The following PTPRT variants were observed in gnomAD, a reference collection of about 807,000 sequenced individuals.
PTPRT encodes receptor-type tyrosine-protein phosphatase T.
A neutral mutation model predicts 176.8 loss-of-function variants in PTPRT; 56 were observed. The ratio of observed to expected loss-of-function variants is 0.32; its 90% CI spans 0.26 to 0.40. The LOEUF (loss-of-function observed/expected upper bound fraction) is 0.40. PTPRT is among the 10% of genes least tolerant of loss of function. The pLI, the probability that PTPRT is intolerant of heterozygous loss-of-function variation, is 1.00. For missense variants in PTPRT, 1,540 were observed against 1,908.2 expected (o/e 0.81, Z 3.60); for synonymous variants, 783 against 739.0 (o/e 1.06, Z -0.96).
In PTPRT at chr20:42,559,385, G is replaced by A. The variant is rs545103097; in HGVS notation, c.1154-86823C>T. On this transcript the variant is annotated intron_variant, in intron 7 of 30. Transcript: ENST00000373187. ...CGTCTTAGCAACATATGTAACTTAT[G>A]CAAAGCAGCTAGTAGAGTCCTGGCA... 3.1e-3 allele frequency among the ~76,000 whole-genome samples: 471 copies of A among 152,278 alleles called. 4 individuals are homozygous for A. Among genetic ancestry groups the A allele is most frequent in the African/African-American group, 0.011 (438 of 41,558 alleles).
chr20:43,083,321 T>TGTATATATATATATATATATATAC (rs1491174501), intron 1 of PTPRT, among the ~76,000 whole-genome samples: 2 of 11,426 alleles, frequency 1.8e-4, no homozygotes, highest in African/African-American at 8.4e-4. Flanking sequence ...ACTTCAAATG[T>TGTATATATATATATATATATATAC]ATATATATAT....
the PTPRT span, among the ~76,000 whole-genome samples, chr20:42,046,706 G>T: frequency 1.3e-5 from 2 of 152,080 alleles, no homozygotes; most frequent in South Asian, 4.1e-4. Context: ...ATTGACTCTT[G>T]ATCAATTTGT....
At chr20:42,216,133 T>C (rs728373) in intron 15 of PTPRT, among the ~76,000 whole-genome samples, 93,308 of 152,046 alleles carry the variant, frequency 0.61, 29,106 homozygotes, top group African/African-American at 0.72. Flanking sequence ...CATGCCCACA[T>C]CTCTTCTCAG....
intron 3 of PTPRT, among the ~76,000 whole-genome samples, chr20:42,790,874 C>T (rs892371314): frequency 6.6e-6 from 1 of 152,200 alleles, no homozygotes; most frequent in African/African-American, 2.4e-5. Context: ...TAGGCTAGTA[C>T]TAGTACCTCC....
chr20:42,870,444 T>C (rs1239992303), intron 2 of PTPRT, among the ~76,000 whole-genome samples: 2 of 152,252 alleles, frequency 1.3e-5, no homozygotes, highest in Admixed American at 6.5e-5. Context: ...TCTTGGCTAC[T>C]GTGAATAATG....
chr20:42,323,418 T>A (rs2057833390), intron 11 of PTPRT, among the ~76,000 whole-genome samples: 1 of 152,114 alleles, frequency 6.6e-6, no homozygotes, highest in Admixed American at 6.5e-5. Context: ...CACCATGGAA[T>A]ACTATGCAGC....
At chr20:42,865,950 GCT>G (rs2145807631) in intron 2 of PTPRT, among the ~76,000 whole-genome samples, 2 of 152,168 alleles carry the variant, frequency 1.3e-5, no homozygotes, top group Admixed American at 1.3e-4. Context: ...TCTCCCCTCT[GCT>G]CTTCCCTTTC....
At chr20:42,395,366 C>T (rs935326971) in intron 9 of PTPRT, among the ~76,000 whole-genome samples, 7 of 152,160 alleles carry the variant, frequency 4.6e-5, no homozygotes, top group Non-Finnish European at 7.4e-5. Context: ...CATCTAAGAC[C>T]AACTCTTCTA....
rs145399627 is a variant in PTPRT at position 42,859,740 on chromosome 20, T to C, written c.214+26067A>G. ...CTGGGACTACAGGCACCTGGCACCATGGCCGGCTAATTTTTTTTTTTTTGT... is the reference window on the plus strand; with the variant it reads ...CTGGGACTACAGGCACCTGGCACCACGGCCGGCTAATTTTTTTTTTTTTGT... On this transcript the variant is annotated intron_variant, in intron 2 of 30. Coordinates refer to ENST00000373187, the MANE Select transcript of PTPRT (RefSeq NM_007050.6). 6.0e-3 allele frequency among the ~76,000 whole-genome samples: 909 copies of C among 151,436 alleles called. 13 individuals carry two copies. The highest frequency in any genetic ancestry group is 0.021 in the African/African-American group (878 of 41,170).
chr20:42,031,937 A>G, the PTPRT span, among the ~76,000 whole-genome samples: 22 of 152,164 alleles, frequency 1.4e-4, no homozygotes, highest in Admixed American at 1.4e-3. Context: ...AAATCTTCGC[A>G]ACACTGTGAG....
chr20:42,795,365 G>A (rs2077438857), intron 2 of PTPRT, among the ~76,000 whole-genome samples: 1 of 152,152 alleles, frequency 6.6e-6, no homozygotes. Context: ...CGTTATTGAT[G>A]TGTCTGCAAC....
intron 15 of PTPRT, among the ~76,000 whole-genome samples, chr20:42,200,491 G>C (rs986267071): frequency 2.6e-5 from 4 of 152,102 alleles, no homozygotes; most frequent in African/African-American, 9.7e-5. Flanking sequence ...CCCCACTGTG[G>C]GATCCCATCT....
At chr20:42,851,276 T>C (rs1378995954) in intron 2 of PTPRT, among the ~76,000 whole-genome samples, 3 of 152,232 alleles carry the variant, frequency 2.0e-5, no homozygotes, top group African/African-American at 7.2e-5. Context: ...ACTGAGTTAC[T>C]ACTTTCTATC....
the PTPRT span, among the ~76,000 whole-genome samples, chr20:42,049,515 C>T: frequency 6.6e-6 from 1 of 152,218 alleles, no homozygotes; most frequent in East Asian, 1.9e-4. Context: ...GGAACTACTC[C>T]TATAAAATGC....
At chr20:42,487,315 T>C (rs1217623266) in intron 7 of PTPRT, among the ~76,000 whole-genome samples, 1 of 152,074 alleles carries the variant, frequency 6.6e-6, no homozygotes, top group Non-Finnish European at 1.5e-5. Context: ...GTCAGATGAG[T>C]TCTTCCTGTC....
intron 7 of PTPRT, among the ~76,000 whole-genome samples, chr20:42,651,159 A>G (rs1312459245): frequency 6.6e-6 from 1 of 152,162 alleles, no homozygotes; most frequent in Non-Finnish European, 1.5e-5. Flanking sequence ...AATTTGGTAT[A>G]TATTATTGTG....
chr20:42,423,177 G>GCA (rs2059135169), intron 9 of PTPRT, among the ~76,000 whole-genome samples: 1 of 14,432 alleles, frequency 6.9e-5, no homozygotes, highest in Admixed American at 7.2e-4. Context: ...GACCTTAAAA[G>GCA]TAAAAAAAAA....
intron 18 of PTPRT, among the ~76,000 whole-genome samples, chr20:42,136,548 C>T (rs1988389144): frequency 6.6e-6 from 1 of 152,068 alleles, no homozygotes; most frequent in Non-Finnish European, 1.5e-5. Flanking sequence ...GAAAACGCCC[C>T]TTTGTGGGGT....
intron 6 of PTPRT, among the ~76,000 whole-genome samples, chr20:42,744,317 T>G (rs2076658107): frequency 6.6e-6 from 1 of 152,212 alleles, no homozygotes; most frequent in South Asian, 2.1e-4. Flanking sequence ...CCCTCATGTA[T>G]TCTGGAATTT....
Sources: gnomAD v4.1 joint callset for allele counts (sites outside exome capture counted in the v4.1 genomes callset) on GRCh38, gnomAD v4.1.1 for gene constraint, MANE v1.5 for transcripts, NCBI Gene and HGNC (gene_info 2026-07-23, HGNC 2026-07-21) for gene names.